The following AIDA variants were observed in gnomAD, a reference collection of about 807,000 sequenced individuals.
The protein encoded by AIDA is axin interactor, dorsalization-associated protein.
In AIDA, 18 loss-of-function variants were observed where a neutral mutation model predicts 42.7. That is an observed-to-expected ratio of 0.42 (90% confidence interval 0.29 to 0.63). The LOEUF is 0.63. Among genes scored for constraint, AIDA ranks in the 20% least tolerant of loss-of-function variants. AIDA has a pLI of 0.19. For synonymous variants in AIDA, 104 were observed against 122.9 expected (o/e 0.85, Z 1.02); for missense variants, 250 against 354.1 (o/e 0.71, Z 2.36).
At position 222,703,196 on chromosome 1, in the gene AIDA, C is replaced by G; in HGVS notation, c.132G>C (p.Lys44Asn). The change falls in exon 2 of 10, where the codon AAG becomes AAC. Residue 44 changes from lysine (K) to asparagine (N), a missense_variant. Physicochemically the swap from Lys to Asn is moderately conservative, Grantham distance 94 (BLOSUM62 0). Transcript: ENST00000340020. ...EYQILARHLQ[K>N]EAQAQHNNSE... is the part of the protein sequence containing the mutation. ...AATTATTGTGTTGAGCTTGGGCCTC[C>G]TTTTGTAGATGTCTTGCTAATCTGT... The G allele has an allele frequency of 6.2e-7, 1 of 1,608,620 alleles. No homozygotes were observed. Among genetic ancestry groups the G allele is most frequent in the Non-Finnish European group, 8.5e-7 (1 of 1,178,238 alleles).
chr1:222,694,474 C>G (rs1655460613), intron 2 of AIDA, among the ~76,000 whole-genome samples: 1 of 152,110 alleles, frequency 6.6e-6, no homozygotes, highest in Admixed American at 6.5e-5. Flanking sequence ...TCTCCCCTGA[C>G]CTAATGTGCC....
chr1:222,712,052 C>T, intron 1 of AIDA, 156 bp downstream of exon 1: 1 of 1,175,172 alleles, frequency 8.5e-7, no homozygotes, highest in Non-Finnish European at 1.2e-6. Context: ...AGCAGCCTCG[C>T]TGGGGCTGGT....
At chr1:222,689,513 A>ATG (rs1322365109) in intron 4 of AIDA, among the ~76,000 whole-genome samples, 6 of 76,754 alleles carry the variant, frequency 7.8e-5, no homozygotes, top group Non-Finnish European at 1.6e-4. Context: ...ATATATATAT[A>ATG]TATATATACA....
chr1:222,673,470 C>A (rs1664485521), intron 7 of AIDA, 35 bp from the exon 8 acceptor site: 1 of 1,524,164 alleles, frequency 6.6e-7, no homozygotes, highest in Non-Finnish European at 8.8e-7. Flanking sequence ...TAGGAACATT[C>A]AAATATACAG....
chr1:222,704,358 T>C (rs185292725), intron 1 of AIDA, among the ~76,000 whole-genome samples: 1 of 152,156 alleles, frequency 6.6e-6, no homozygotes, highest in Admixed American at 6.5e-5. Context: ...AAACCATATG[T>C]TTACACACAA....
intron 6 of AIDA, among the ~76,000 whole-genome samples, chr1:222,683,911 T>C (rs1439262971): frequency 6.6e-6 from 1 of 151,998 alleles, no homozygotes; most frequent in Non-Finnish European, 1.5e-5. Context: ...GTAAGTAAGC[T>C]TGACTACCTT....
At chr1:222,687,495 G>T (rs1655231658) in intron 5 of AIDA, 100 bp downstream of exon 5, 2 of 1,007,452 alleles carry the variant, frequency 2.0e-6, no homozygotes, top group Non-Finnish European at 1.4e-6. Context: ...TGATGTCAAT[G>T]ATATCAATAA....
At chr1:222,681,293 C>A (rs1211310681) in intron 6 of AIDA, among the ~76,000 whole-genome samples, 2 of 152,298 alleles carry the variant, frequency 1.3e-5, no homozygotes, top group African/African-American at 4.8e-5. Context: ...AAAATTCTCA[C>A]AAATAAAATG....
At chr1:222,693,871 T>A in intron 3 of AIDA, 28 bp from the exon 4 acceptor site, 1 of 1,552,858 alleles carries the variant, frequency 6.4e-7, no homozygotes, top group Non-Finnish European at 8.9e-7. Context: ...ATATTACATC[T>A]TTTCACTACA....
chr1:222,705,435 A>G (rs78962793), intron 1 of AIDA, among the ~76,000 whole-genome samples: 6,476 of 152,300 alleles, frequency 0.043, 172 homozygotes, highest in East Asian at 0.13. Context: ...ACAGTGTGGA[A>G]TGAGTTTCTT....
In AIDA at chr1:222,712,375, C is replaced by T. The variant is rs1471474807; in HGVS notation, c.-58G>A. ...ACCCCAGCAAGGCCGGGTTCTAGGG[C>T]GCCATCCTCCCCCGGCCTGGCCCCG... On this transcript the variant is annotated 5_prime_UTR_variant, in exon 1 of 10. Transcript: ENST00000340020. 88 of 1,253,892 alleles carry T rather than the reference C, an allele frequency of 7.0e-5. No individual in the cohort carries two copies. Among genetic ancestry groups the T allele is most frequent in the Non-Finnish European group, 9.1e-5 (85 of 933,656 alleles). 77.7% of individuals were successfully genotyped at this position (1,253,892 alleles called of 1,614,324 possible).
At chr1:222,710,077 A>T (rs1160612818) in intron 1 of AIDA, among the ~76,000 whole-genome samples, 5 of 152,130 alleles carry the variant, frequency 3.3e-5, no homozygotes, top group African/African-American at 1.2e-4. Context: ...AAATCCTGTC[A>T]ATTCTTGTTT....
intron 2 of AIDA, among the ~76,000 whole-genome samples, chr1:222,700,979 G>T (rs1339821773): frequency 6.9e-6 from 1 of 145,586 alleles, no homozygotes. Flanking sequence ...TTTGGGGGGG[G>T]GGGGACAGGG....
At chr1:222,682,052 G>A (rs946501228) in intron 6 of AIDA, among the ~76,000 whole-genome samples, 1 of 152,206 alleles carries the variant, frequency 6.6e-6, no homozygotes, top group Non-Finnish European at 1.5e-5. Flanking sequence ...ACTATGAATG[G>A]ATGAGGAGTC....
chr1:222,693,274 A>C (rs1655421978), intron 4 of AIDA, among the ~76,000 whole-genome samples: 1 of 152,160 alleles, frequency 6.6e-6, no homozygotes, highest in Non-Finnish European at 1.5e-5. Flanking sequence ...CCATATTGCA[A>C]AGAACATTCA....
intron 1 of AIDA, among the ~76,000 whole-genome samples, chr1:222,708,020 C>T (rs1655889892): frequency 6.6e-6 from 1 of 152,086 alleles, no homozygotes; most frequent in African/African-American, 2.4e-5. Flanking sequence ...GCAAAAATGA[C>T]AAGTGGGGCC....
At chr1:222,701,881 A>G (rs770770413) in intron 2 of AIDA, among the ~76,000 whole-genome samples, 1 of 151,742 alleles carries the variant, frequency 6.6e-6, no homozygotes, top group East Asian at 1.9e-4. Context: ...ACACCACTAC[A>G]CTCAGCTAAT....
chr1:222,684,466 T>C (rs780440796), intron 6 of AIDA, among the ~76,000 whole-genome samples: 1 of 152,178 alleles, frequency 6.6e-6, no homozygotes, highest in African/African-American at 2.4e-5. Flanking sequence ...AATTTTGGGT[T>C]CCCTTTGGGT....
At chr1:222,680,925 T>C (rs536655710) in intron 6 of AIDA, among the ~76,000 whole-genome samples, 6 of 152,114 alleles carry the variant, frequency 3.9e-5, no homozygotes, top group East Asian at 3.9e-4. Context: ...GCACAAGATA[T>C]AGTATAAGAA....
Sources: allele counts gnomAD v4.1 joint callset (sites outside exome capture counted in the v4.1 genomes callset), GRCh38; gene constraint gnomAD v4.1.1; transcripts MANE v1.5; gene names NCBI Gene and HGNC (gene_info 2026-07-23, HGNC 2026-07-21).